TMEFF2: variants seen among roughly 807,000 people sequenced by gnomAD.
TMEFF2 encodes the protein tomoregulin-2.
Under a neutral mutation model 53.8 loss-of-function variants are expected in TMEFF2, and 28 were observed. The observed-to-expected ratio is 0.52, with a 90% CI of 0.39 to 0.71. TMEFF2 has a LOEUF of 0.71. Ranked by LOEUF, TMEFF2 falls within the 30% of genes least tolerant of loss-of-function variation. The pLI is 0.00. For synonymous variants in TMEFF2, 162 were observed against 166.3 expected (o/e 0.97, Z 0.20); for missense variants, 353 against 455.2 (o/e 0.78, Z 2.04).
chr2:192,141,571 T>C (rs1165006372), intron 4 of TMEFF2, among the ~76,000 whole-genome samples: 1 of 151,912 alleles, frequency 6.6e-6, no homozygotes, highest in Non-Finnish European at 1.5e-5. Flanking sequence ...GATGGGAACA[T>C]TGTTAACAAA....
intron 4 of TMEFF2, chr2:192,176,809 G>A (rs1369112527): frequency 6.6e-6 from 1 of 150,956 alleles, no homozygotes; most frequent in Admixed American, 6.6e-5. Context: ...CATTACTAAT[G>A]TAATATTCAT....
At chr2:192,170,922 A>G (rs540547960) in intron 4 of TMEFF2, among the ~76,000 whole-genome samples, 53 of 152,226 alleles carry the variant, frequency 3.5e-4, no homozygotes, top group Non-Finnish European at 5.7e-4. Context: ...GTGAGTGTGT[A>G]ATTTACCAGA....
intron 2 of TMEFF2, among the ~76,000 whole-genome samples, chr2:192,185,216 TA>T (rs1159624248): frequency 6.6e-6 from 1 of 151,974 alleles, no homozygotes; most frequent in African/African-American, 2.4e-5. Flanking sequence ...ACCTCATTAT[TA>T]AAAAAGTACA....
intron 3 of TMEFF2, among the ~76,000 whole-genome samples, chr2:192,183,792 T>G (rs113945611): frequency 4.6e-5 from 7 of 152,074 alleles, no homozygotes; most frequent in African/African-American, 1.7e-4. Flanking sequence ...ACTAAAAAAC[T>G]TTGTAGAATC....
chr2:191,972,067 A>G (rs988015380), intron 7 of TMEFF2, among the ~76,000 whole-genome samples: 3 of 151,992 alleles, frequency 2.0e-5, no homozygotes, highest in African/African-American at 7.2e-5. Flanking sequence ...TATGGTGGAG[A>G]GAGGGATAAA....
In TMEFF2 at chr2:192,075,300, T is replaced by TATAAATATATATATATATATATATAA. The variant is rs1452082643; in HGVS notation, c.440-17526_440-17525insTTATATATATATATATATATATTTAT. 1.2e-4 allele frequency among the ~76,000 whole-genome samples: 5 copies of TATAAATATATATATATATATATATAA among 40,110 alleles called. No individual in the cohort carries two copies. The South Asian group carries it at 2.6e-3, about 21-fold the overall frequency. The allele number at this position is 40,110 out of a possible 152,430, so 26.3% of individuals were successfully genotyped here. ...TACAGTACTATTATATATATATATA[T>TATAAATATATATATATATATATATAA]ATATATATATATATATATATATATA... On this transcript the variant is annotated intron_variant, in intron 4 of 9. Transcript: ENST00000272771.
intron 5 of TMEFF2, among the ~76,000 whole-genome samples, chr2:192,015,135 G>C (rs1317714371): frequency 6.6e-6 from 1 of 152,050 alleles, no homozygotes; most frequent in Non-Finnish European, 1.5e-5. Flanking sequence ...TGTTAGGTTT[G>C]TGCCTAGTTA....
At chr2:192,163,944 C>T (rs1182025556) in intron 4 of TMEFF2, among the ~76,000 whole-genome samples, 2 of 152,094 alleles carry the variant, frequency 1.3e-5, no homozygotes, top group Non-Finnish European at 2.9e-5. Context: ...GACATGGCCC[C>T]CAGGACATCT....
chr2:192,073,417 A>G (rs1420361939), intron 4 of TMEFF2, among the ~76,000 whole-genome samples: 1 of 151,820 alleles, frequency 6.6e-6, no homozygotes, highest in African/African-American at 2.4e-5. Context: ...GCAGCTGGGA[A>G]TGATTTCAAC....
chr2:192,104,157 G>T (rs1689095507), intron 4 of TMEFF2, among the ~76,000 whole-genome samples: 1 of 152,114 alleles, frequency 6.6e-6, no homozygotes, highest in Admixed American at 6.6e-5. Flanking sequence ...GGTAAAAGGG[G>T]GTAGCAGTAG....
intron 2 of TMEFF2, among the ~76,000 whole-genome samples, chr2:192,185,239 G>A (rs1378435709): frequency 6.6e-6 from 1 of 151,958 alleles, no homozygotes; most frequent in Non-Finnish European, 1.5e-5. Context: ...ATATTACAGT[G>A]AAAATTAAGG....
intron 4 of TMEFF2, among the ~76,000 whole-genome samples, chr2:192,072,682 T>G (rs1380639574): frequency 6.6e-6 from 1 of 151,964 alleles, no homozygotes; most frequent in Non-Finnish European, 1.5e-5. Context: ...ATGTAGCAAC[T>G]GATTTTGTCT....
intron 7 of TMEFF2, among the ~76,000 whole-genome samples, chr2:191,983,087 A>T (rs1450572622): frequency 6.6e-6 from 1 of 152,180 alleles, no homozygotes; most frequent in Non-Finnish European, 1.5e-5. Flanking sequence ...ACAGTTTCAA[A>T]AACATCCTAC....
At chr2:192,037,337 A>AAAGAAAG (rs1559096581) in intron 5 of TMEFF2, among the ~76,000 whole-genome samples, 4 of 88,286 alleles carry the variant, frequency 4.5e-5, no homozygotes, top group East Asian at 9.7e-4. Flanking sequence ...AAGAAAGAAA[A>AAAGAAAG]ACAGAAAACA....
intron 4 of TMEFF2, among the ~76,000 whole-genome samples, chr2:192,145,087 A>C (rs1188004406): frequency 6.6e-6 from 1 of 151,976 alleles, no homozygotes; most frequent in East Asian, 1.9e-4. Flanking sequence ...TAAGGATGTA[A>C]ATATGCATAT....
intron 5 of TMEFF2, among the ~76,000 whole-genome samples, chr2:192,026,416 C>G (rs114847049): frequency 6.6e-6 from 1 of 152,284 alleles, no homozygotes; most frequent in African/African-American, 2.4e-5. Context: ...ATATTTGATG[C>G]GCATCATCGT....
At chr2:191,997,791 A>G (rs1029634632) in intron 7 of TMEFF2, among the ~76,000 whole-genome samples, 12 of 151,960 alleles carry the variant, frequency 7.9e-5, no homozygotes, top group African/African-American at 2.2e-4. Flanking sequence ...AAAAAAACCT[A>G]TACATACATT....
chr2:192,169,389 A>G (rs1289955357), intron 4 of TMEFF2, among the ~76,000 whole-genome samples: 1 of 152,122 alleles, frequency 6.6e-6, no homozygotes, highest in Non-Finnish European at 1.5e-5. Context: ...ACTACTATCA[A>G]CAAAAAGTTA....
chr2:192,166,843 GT>G, intron 4 of TMEFF2, among the ~76,000 whole-genome samples: 1 of 152,132 alleles, frequency 6.6e-6, no homozygotes, highest in East Asian at 1.9e-4. Context: ...TAAAAAACAC[GT>G]TTCAAACAAA....
Sources: allele counts gnomAD v4.1 joint callset (sites outside exome capture counted in the v4.1 genomes callset), GRCh38; gene constraint gnomAD v4.1.1; transcripts MANE v1.5; gene names NCBI Gene and HGNC (gene_info 2026-07-23, HGNC 2026-07-21).